The following ABCA4 variants were observed in gnomAD, a reference collection of about 807,000 sequenced individuals.
The protein encoded by ABCA4 is ATP binding cassette subfamily A member 4, also known as retinal-specific phospholipid-transporting ATPase ABCA4.
Under a neutral mutation model 263.7 loss-of-function variants are expected in ABCA4, and 196 were observed. That is an observed-to-expected ratio of 0.74 (90% CI 0.66 to 0.84). The LOEUF (loss-of-function observed/expected upper bound fraction) is 0.84. Ranked by LOEUF, ABCA4 falls within the 40% of genes least tolerant of loss-of-function variation. ABCA4 has a pLI of 0.00. For missense variants in ABCA4, 2,792 were observed against 2,855.1 expected, an observed-to-expected ratio of 0.98 and a Z score of 0.50; for synonymous variants, 1,133 against 1,094.2, an observed-to-expected ratio of 1.04 and a Z score of -0.70.
At position 94,062,663 on chromosome 1, in the gene ABCA4, C is replaced by G. The variant is rs745549366; in HGVS notation, c.1851G>C (p.Gln617His). 5 of 1,614,174 alleles carry G rather than the reference C, an allele frequency of 3.1e-6. No individual in the cohort carries two copies. Among genetic ancestry groups the G allele is most frequent in the Non-Finnish European group, 4.2e-6 (5 of 1,180,040 alleles). Residue 617 changes from glutamine (Q) to histidine (H), a missense_variant, in exon 13 of 50, where the codon CAG becomes CAC. Gln to His is a conservative substitution (Grantham distance 24). Transcript: ENST00000370225. ...CCTGCACCTGGCTCCTTGTGATCCC[C>G]TGTTCAACCATGTCCTGCAGATAGG... is the stretch of plus-strand genomic sequence containing the variant. ...GFAYLQDMVE[Q>H]GITRSQVQAE...
In ABCA4 at chr1:94,080,483, C is replaced by A. The variant is rs768881855; in HGVS notation, c.1094G>T (p.Arg365Ile). 2.5e-6 allele frequency: 4 copies of A among 1,614,184 alleles called. No individual in the cohort carries two copies. The East Asian group carries it at 8.9e-5, about 36-fold the overall frequency. ...GCAGGACTCAGAAAACTTACTTGTT[C>A]TTCTGTCATAAGAATAGATAGGATC... ...RKDPIYSYDRRTTSFCNALIQ... is the reference protein window; with the variant it reads ...RKDPIYSYDRITTSFCNALIQ... Residue 365 changes from arginine to isoleucine, a missense_variant, in exon 8 of 50, where the codon AGA (arginine) becomes ATA (isoleucine). By Grantham distance (97) the Arg-to-Ile change is moderately conservative (BLOSUM62 -3). Coordinates refer to ENST00000370225, the MANE Select transcript of ABCA4 (RefSeq NM_000350.3).
At chr1:94,036,882 A>G in intron 25 of ABCA4, 94 bp from the exon 26 acceptor site, 1 of 1,252,622 alleles carries the variant, frequency 8.0e-7, no homozygotes, top group Non-Finnish European at 1.2e-6. Context: ...ATTGCTTCAT[A>G]ATGGGAAGAA....
Position 94,103,293 on chromosome 1 carries a change from C to G in ABCA4, c.443-151G>C, listed in dbSNP as rs138871362. 3 of 986,528 alleles carry G rather than the reference C, an allele frequency of 3.0e-6. No individual in the cohort carries two copies. The African/African-American group carries it at 4.8e-5, about 16-fold the overall frequency. The allele number at this position is 986,528 out of a possible 1,614,324, so 61.1% of individuals were successfully genotyped here. A position where few individuals can be genotyped will look rare whatever the true frequency, so the allele number is the denominator to read the frequency against. On this transcript the variant is annotated intron_variant, in intron 4 of 49. Transcript: ENST00000370225. ...TCTGGGAGCCCCTAGAGGTGAGGCTCTTGCCAGTGGGCTGCCCCCAACACA... is the reference window on the plus strand; with the variant it reads ...TCTGGGAGCCCCTAGAGGTGAGGCTGTTGCCAGTGGGCTGCCCCCAACACA...
At chr1:94,013,519 GC>G (rs1405782233) in intron 38 of ABCA4, among the ~76,000 whole-genome samples, 2 of 152,178 alleles carry the variant, frequency 1.3e-5, no homozygotes, top group Non-Finnish European at 2.9e-5. Flanking sequence ...AAAGGTTGAG[GC>G]GCCTGGGGAC....
In ABCA4 at chr1:94,036,734, C is replaced by T. The variant is rs1660347227; in HGVS notation, c.3862+6G>A. 1.2e-6 allele frequency: 2 copies of T among 1,614,040 alleles called. No homozygotes were observed. The highest frequency in any genetic ancestry group is 1.1e-5 in the South Asian group (1 of 91,068). ...AGGGAACAAGCCACTGGCTCCAGCACCATACCCGCAAACAGAGGTCCTGAA... is the reference window on the plus strand; with the variant it reads ...AGGGAACAAGCCACTGGCTCCAGCATCATACCCGCAAACAGAGGTCCTGAA... On this transcript the variant is annotated splice_donor_region_variant and intron_variant, in intron 26 of 49. Transcript: ENST00000370225.
At chr1:94,091,871 T>C (rs1322706459) in intron 6 of ABCA4, among the ~76,000 whole-genome samples, 1 of 152,212 alleles carries the variant, frequency 6.6e-6, no homozygotes, top group Admixed American at 6.5e-5. Flanking sequence ...ATTCCGGCCC[T>C]AAGAGGTCTC....
At chr1:94,056,529 G>A in intron 15 of ABCA4, 72 bp downstream of exon 15, 2 of 1,490,774 alleles carry the variant, frequency 1.3e-6, no homozygotes, top group South Asian at 1.2e-5. Context: ...AGGGCAGGCT[G>A]GGCCTCCAGG....
At chr1:94,100,129 A>G (rs1268167040) in intron 5 of ABCA4, among the ~76,000 whole-genome samples, 1 of 152,064 alleles carries the variant, frequency 6.6e-6, no homozygotes, top group East Asian at 1.9e-4. Flanking sequence ...CACCTCCTAC[A>G]CTGTCCAGAC....
chr1:94,003,987 C>A (rs35270729), intron 44 of ABCA4, among the ~76,000 whole-genome samples: 23,470 of 152,028 alleles, frequency 0.15, 1,923 homozygotes, highest in Non-Finnish European at 0.17. Context: ...ATAAGATATT[C>A]CAGGTTCATT....
intron 3 of ABCA4, 147 bp from the exon 4 acceptor site, chr1:94,108,863 C>A (rs909617478): frequency 2.4e-5 from 25 of 1,031,778 alleles, no homozygotes; most frequent in Non-Finnish European, 3.2e-5. Context: ...AGCTCTGCCC[C>A]CCGGGTTCAC....
chr1:94,001,003 T>C lies in ABCA4; in HGVS notation c.6385A>G (p.Ser2129Gly). ...EGRAVVLTSH[S>G]MEECEALCTR... ...TCCCCAGCCCTGGGAATCTCTTGCC[T>C]GTGGGATGTGAGGACCACAGCCCTC... is the stretch of plus-strand genomic sequence containing the variant. The change falls in exon 46 of 50, where the codon AGC (serine) becomes GGC (glycine). Residue 2129 changes from serine (S) to glycine (G), a missense_variant and splice_region_variant. By Grantham distance (56) the Ser-to-Gly change is moderately conservative. Coordinates refer to ENST00000370225, the MANE Select transcript of ABCA4 (RefSeq NM_000350.3). The C allele has an allele frequency of 3.7e-6, 6 of 1,614,108 alleles. No individual in the cohort carries two copies. Among genetic ancestry groups the C allele is most frequent in the Non-Finnish European group, 5.1e-6 (6 of 1,179,992 alleles).
At chr1:94,092,124 AT>A (rs1199325706) in intron 6 of ABCA4, among the ~76,000 whole-genome samples, 10 of 152,252 alleles carry the variant, frequency 6.6e-5, no homozygotes, top group African/African-American at 2.4e-4. Flanking sequence ...TGGAAACAGT[AT>A]TAATTTCTAA....
chr1:94,024,816 G>T, intron 31 of ABCA4, 138 bp downstream of exon 31: 1 of 687,482 alleles, frequency 1.5e-6, no homozygotes, highest in South Asian at 1.7e-5. Flanking sequence ...TGTTGAATGG[G>T]GCCCTCAAAT....
At position 94,055,176 on chromosome 1, in the gene ABCA4, T is replaced by G. The variant is rs2101067700; in HGVS notation, c.2522A>C (p.Gln841Pro). 5 of 1,614,160 alleles carry G rather than the reference T, an allele frequency of 3.1e-6. No homozygotes were observed. In the South Asian group the frequency reaches 5.5e-5, roughly 18 times the overall value. ...GACAGCAGCATCAAGGAGCATCATC[T>G]GCATGGACAGCAGGAAGCTGAATTC... Reference protein sequence around the residue: ...GDEFSFLLSMQMMLLDAAVYG... With the variant: ...GDEFSFLLSMPMMLLDAAVYG... Residue 841 changes from glutamine to proline, a missense_variant, in exon 16 of 50, where the codon CAG becomes CCG. Gln to Pro is a moderately conservative substitution (Grantham distance 76, BLOSUM62 -1). Transcript: ENST00000370225.
Position 94,048,884 on chromosome 1 carries a change from G to C in ABCA4, c.2727C>G (p.His909Gln). ...PLTEETEDPE[H>Q]PEGIHDSFFE... ...GGGTTTTACCGTGTATTCCTTCTGG[G>C]TGCTCTGGATCCTCCGTTTCCTCTG... The change falls in exon 18 of 50, where the codon CAC becomes CAG. Residue 909 changes from histidine to glutamine, a missense_variant. Coordinates refer to ENST00000370225, the MANE Select transcript of ABCA4 (RefSeq NM_000350.3). 1 of 1,614,038 alleles carries C rather than the reference G, an allele frequency of 6.2e-7. No individual in the cohort carries two copies. The highest frequency in any genetic ancestry group is 8.5e-7 in the Non-Finnish European group (1 of 1,179,992).
At position 94,024,990 on chromosome 1, in the gene ABCA4, A is replaced by G. The variant is rs1557770154; in HGVS notation, c.4598T>C (p.Phe1533Ser). ...AAGAGCAGGATACGTTTTTACCAAGAAGTCGGAGATGTTCCTGTCCGTCAG... is the reference window on the plus strand; with the variant it reads ...AAGAGCAGGATACGTTTTTACCAAGGAGTCGGAGATGTTCCTGTCCGTCAG... ...QDLTDRNISD[F>S]LVKTYPALIR... Residue 1533 changes from phenylalanine (F) to serine (S), a missense_variant, in exon 31 of 50, where the codon TTC becomes TCC. Phe to Ser is a radical substitution (Grantham distance 155, BLOSUM62 -2). Coordinates refer to ENST00000370225, the MANE Select transcript of ABCA4 (RefSeq NM_000350.3). 2 of 1,614,220 alleles carry G rather than the reference A, an allele frequency of 1.2e-6. No individual in the cohort carries two copies. The highest frequency in any genetic ancestry group is 1.7e-6 in the Non-Finnish European group (2 of 1,180,034).
intron 6 of ABCA4, among the ~76,000 whole-genome samples, chr1:94,086,472 A>T (rs1283008524): frequency 6.6e-6 from 1 of 152,224 alleles, no homozygotes; most frequent in Non-Finnish European, 1.5e-5. Flanking sequence ...GAAAATTCAT[A>T]ATCACTCAAT....
chr1:94,021,597 G>A, intron 34 of ABCA4, 43 bp downstream of exon 34: 1 of 1,563,140 alleles, frequency 6.4e-7, no homozygotes, highest in Non-Finnish European at 8.8e-7. Flanking sequence ...ACCAGCTCAG[G>A]TAAATTTTTA....
intron 13 of ABCA4, 115 bp from the exon 14 acceptor site, chr1:94,060,874 AC>A: frequency 1.2e-6 from 1 of 866,226 alleles, no homozygotes; most frequent in South Asian, 1.4e-5. Context: ...GGAAAGGAAA[AC>A]AGGAAAACCT....
Sources: allele counts gnomAD v4.1 joint callset (sites outside exome capture counted in the v4.1 genomes callset), GRCh38; gene constraint gnomAD v4.1.1; transcripts MANE v1.5; gene names NCBI Gene and HGNC (gene_info 2026-07-23, HGNC 2026-07-21).